ST6GAL1: variants seen among roughly 807,000 people sequenced by gnomAD.
The protein encoded by ST6GAL1 is ST6 beta-galactoside alpha-2,6-sialyltransferase 1, also known as beta-galactoside alpha-2,6-sialyltransferase 1.
ST6GAL1 carries 20 observed loss-of-function variants against 38.0 expected under a neutral mutation model. The ratio of observed to expected loss-of-function variants is 0.53; its 90% CI spans 0.37 to 0.77. The LOEUF is 0.77. Ranked by LOEUF, ST6GAL1 falls within the 30% of genes least tolerant of loss-of-function variation. The pLI is 0.00. For missense variants in ST6GAL1, 432 were observed against 496.4 expected (o/e 0.87, Z 1.23); for synonymous variants, 196 against 188.2 (o/e 1.04, Z -0.34).
intron 1 of ST6GAL1, among the ~76,000 whole-genome samples, chr3:186,950,783 C>T (rs1714548722): frequency 6.6e-6 from 1 of 152,192 alleles, no homozygotes; most frequent in Non-Finnish European, 1.5e-5. Flanking sequence ...TCACAAATGA[C>T]TCTAAAGTTC....
At chr3:186,957,614 T>A (rs771757769) in intron 1 of ST6GAL1, among the ~76,000 whole-genome samples, 30 of 151,850 alleles carry the variant, frequency 2.0e-4, no homozygotes, top group Non-Finnish European at 3.1e-4. Flanking sequence ...AAAGGCCCAC[T>A]TGAGTACCTG....
rs561318191 is a variant in ST6GAL1 at position 187,033,395 on chromosome 3, A to C, written c.-182-5347A>C. Among the ~76,000 whole-genome samples the C allele has an allele frequency of 9.2e-4, 140 of 152,284 alleles. 5 individuals carry two copies. In the South Asian group the frequency reaches 0.027, roughly 29 times the overall value. Reference sequence around the variant, plus strand: ...ACCACTTCTGCCTGGGCCGACAGAGAGAGACACCATCTCAAAAACAAAGAA... The same window carrying C: ...ACCACTTCTGCCTGGGCCGACAGAGCGAGACACCATCTCAAAAACAAAGAA... On this transcript the variant is annotated intron_variant, in intron 2 of 7. Coordinates refer to ENST00000169298, the MANE Select transcript of ST6GAL1 (RefSeq NM_173216.2).
chr3:187,071,776 CAAAAAAAAAAA>C (rs11330261), intron 5 of ST6GAL1, among the ~76,000 whole-genome samples: 1 of 72,324 alleles, frequency 1.4e-5, no homozygotes, highest in Non-Finnish European at 2.8e-5. Flanking sequence ...GACTCCGCCT[CAAAAAAAAAAA>C]AAAAAAAAGA....
chr3:186,960,003 A>G (rs1265198787), intron 1 of ST6GAL1, among the ~76,000 whole-genome samples: 1 of 152,140 alleles, frequency 6.6e-6, no homozygotes, highest in African/African-American at 2.4e-5. Flanking sequence ...CCTCTGAGTC[A>G]ACACAGAGCA....
At chr3:186,987,200 G>GAGGGAAGGAAAGAA (rs1553821932) in intron 2 of ST6GAL1, among the ~76,000 whole-genome samples, 5 of 138,656 alleles carry the variant, frequency 3.6e-5, no homozygotes, top group Non-Finnish European at 3.1e-5. Context: ...GGGAGGGAGG[G>GAGGGAAGGAAAGAA]AAGGAAAGAA....
chr3:187,022,073 A>T (rs543859759), intron 2 of ST6GAL1: 1 of 152,358 alleles, frequency 6.6e-6, no homozygotes, highest in Admixed American at 6.5e-5. Context: ...GGAGAGGGGA[A>T]CCCCAATGGA....
chr3:186,997,489 G>T (rs1027136825), intron 2 of ST6GAL1, among the ~76,000 whole-genome samples: 3 of 152,204 alleles, frequency 2.0e-5, no homozygotes, highest in African/African-American at 7.2e-5. Flanking sequence ...TGCTGGCCAC[G>T]GTGGCTCATG....
intron 5 of ST6GAL1, among the ~76,000 whole-genome samples, chr3:187,067,238 C>T (rs1020224466): frequency 6.6e-6 from 1 of 151,450 alleles, no homozygotes; most frequent in African/African-American, 2.4e-5. Context: ...AGGTGCCCGC[C>T]ACCACGCCTG....
chr3:186,992,693 G>T (rs1716216905), intron 2 of ST6GAL1, among the ~76,000 whole-genome samples: 1 of 152,122 alleles, frequency 6.6e-6, no homozygotes, highest in Non-Finnish European at 1.5e-5. Context: ...GCTACTCGGA[G>T]GCTGAGGCAG....
At chr3:186,991,069 A>G (rs1477192199) in intron 2 of ST6GAL1, among the ~76,000 whole-genome samples, 1 of 152,194 alleles carries the variant, frequency 6.6e-6, no homozygotes, top group African/African-American at 2.4e-5. Context: ...TCATGTGGTC[A>G]GGATTTTTCC....
At position 187,061,880 on chromosome 3, in the gene ST6GAL1, A is replaced by T. The variant is rs560262467; in HGVS notation, c.705+10534A>T. Reference sequence around the variant, plus strand: ...GGAAAAAATATACAAGTTGGACTTTATGAAAATTAAAAATAATTGTATATC... The same window carrying T: ...GGAAAAAATATACAAGTTGGACTTTTTGAAAATTAAAAATAATTGTATATC... On this transcript the variant is annotated intron_variant, in intron 5 of 7. Transcript: ENST00000169298. Among the ~76,000 whole-genome samples, 3 of 152,338 alleles carry T rather than the reference A, an allele frequency of 2.0e-5. No homozygotes were observed. The East Asian group carries it at 5.8e-4, about 29-fold the overall frequency.
intron 2 of ST6GAL1, among the ~76,000 whole-genome samples, chr3:187,023,737 G>A (rs1459978860): frequency 6.6e-6 from 1 of 152,068 alleles, no homozygotes. Flanking sequence ...ACTGTTGTGG[G>A]GTGGGGGGAA....
intron 2 of ST6GAL1, among the ~76,000 whole-genome samples, chr3:187,010,615 T>C (rs957828723): frequency 2.0e-5 from 3 of 152,164 alleles, no homozygotes; most frequent in African/African-American, 7.2e-5. Context: ...CTCCCTTAGC[T>C]AAGAGAGCCA....
intron 2 of ST6GAL1, among the ~76,000 whole-genome samples, chr3:187,032,334 GATGGCAGCAAAC>G (rs2108573084): frequency 6.6e-6 from 1 of 152,252 alleles, no homozygotes; most frequent in South Asian, 2.1e-4. Flanking sequence ...CCAGCTGGAG[GATGGCAGCAAAC>G]CAGCATTCAC....
chr3:187,054,163 T>C (rs1197950023), intron 5 of ST6GAL1, among the ~76,000 whole-genome samples: 1 of 152,250 alleles, frequency 6.6e-6, no homozygotes, highest in Non-Finnish European at 1.5e-5. Context: ...TCCTGAGACT[T>C]TGCTGAAGTT....
At chr3:186,945,956 A>G (rs1225020014) in intron 1 of ST6GAL1, among the ~76,000 whole-genome samples, 3 of 131,510 alleles carry the variant, frequency 2.3e-5, no homozygotes, top group East Asian at 4.7e-4. Flanking sequence ...GCGCCACTGC[A>G]CTCCAGCTTG....
chr3:187,017,159 A>C (rs1376319304), intron 2 of ST6GAL1, among the ~76,000 whole-genome samples: 1 of 151,958 alleles, frequency 6.6e-6, no homozygotes, highest in African/African-American at 2.4e-5. Context: ...TTAACTGGGG[A>C]CTTTAAATGC....
intron 2 of ST6GAL1, among the ~76,000 whole-genome samples, chr3:187,028,680 C>G (rs902268377): frequency 3.3e-5 from 5 of 152,146 alleles, no homozygotes; most frequent in African/African-American, 9.7e-5. Context: ...TGAATCAAAC[C>G]AAGATTCAGA....
chr3:186,971,202 C>T (rs1377311430), intron 2 of ST6GAL1, among the ~76,000 whole-genome samples: 3 of 152,238 alleles, frequency 2.0e-5, no homozygotes, highest in South Asian at 2.1e-4. Context: ...GATTCTTCTG[C>T]CTCAGCCTCC....
Sources: gnomAD v4.1 joint callset for allele counts (sites outside exome capture counted in the v4.1 genomes callset) on GRCh38, gnomAD v4.1.1 for gene constraint, MANE v1.5 for transcripts, NCBI Gene and HGNC (gene_info 2026-07-23, HGNC 2026-07-21) for gene names.